The following MLXIPL variants were observed in gnomAD, a reference collection of about 807,000 sequenced individuals.
MLXIPL encodes MLX interacting protein like.
A neutral mutation model predicts 81.5 loss-of-function variants in MLXIPL; 49 were observed. The observed-to-expected ratio is 0.60, with a 90% CI of 0.48 to 0.76. The LOEUF (loss-of-function observed/expected upper bound fraction) is 0.76, where lower values mean the gene tolerates loss of function less well. Among genes scored for constraint, MLXIPL ranks in the 30% least tolerant of loss-of-function variants. The probability of loss-of-function intolerance (pLI) is 0.00; values close to 1 mark genes in which losing one functional copy is unlikely to be tolerated. For synonymous variants in MLXIPL, 466 were observed against 485.5 expected, an observed-to-expected ratio of 0.96 and a Z score of 0.53; for missense variants, 1,053 against 1,167.0, an observed-to-expected ratio of 0.90 and a Z score of 1.42.
chr7:73,608,483 A>G (rs1420405796), intron 2 of MLXIPL, among the ~76,000 whole-genome samples: 1 of 152,000 alleles, frequency 6.6e-6, no homozygotes, highest in Non-Finnish European at 1.5e-5. Context: ...GCTCCTTGGG[A>G]GGCTGAGGCA....
At chr7:73,620,578 A>G (rs1363832231) in intron 1 of MLXIPL, among the ~76,000 whole-genome samples, 3 of 98,420 alleles carry the variant, frequency 3.0e-5, no homozygotes, top group Non-Finnish European at 4.5e-5. Context: ...ACCTGTACTG[A>G]AAAAAAAAAA....
intron 2 of MLXIPL, among the ~76,000 whole-genome samples, chr7:73,612,213 C>T (rs1403853597): frequency 6.6e-6 from 1 of 152,022 alleles, no homozygotes; most frequent in African/African-American, 2.4e-5. Context: ...TGCCTGTAGT[C>T]CCAGCTACTA....
intron 7 of MLXIPL, among the ~76,000 whole-genome samples, chr7:73,603,251 G>C (rs1795026669): frequency 6.6e-6 from 1 of 152,164 alleles, no homozygotes; most frequent in Non-Finnish European, 1.5e-5. Flanking sequence ...TGATAAGAGA[G>C]GGCCACACGA....
Position 73,623,354 on chromosome 7 carries a change from C to T in MLXIPL, c.293+846G>A, listed in dbSNP as rs184404238. On this transcript the variant is annotated intron_variant, in intron 1 of 16. Coordinates refer to ENST00000313375, the MANE Select transcript of MLXIPL (RefSeq NM_032951.3). The surrounding 1 kb of genome is among the most constrained non-coding windows in gnomAD (Gnocchi z 5.7). The stretch of plus-strand genomic sequence containing the variant: ...CGGTTGATAATTTATACTGGCCCCT[C>T]AACTCCGGGGAACTTTGCTCCAGGG... Among the ~76,000 whole-genome samples, 6 of 152,370 alleles carry T rather than the reference C, an allele frequency of 3.9e-5. No individual in the cohort carries two copies. The highest frequency in any genetic ancestry group is 1.9e-4 in the East Asian group (1 of 5,182).
Position 73,595,844 on chromosome 7 carries a change from A to C in MLXIPL, c.2184T>G (p.Ile728Met). The C allele has an allele frequency of 6.2e-7, 1 of 1,605,034 alleles. No individual in the cohort carries two copies. Among genetic ancestry groups the C allele is most frequent in the South Asian group, 1.1e-5 (1 of 89,950 alleles). The change falls in exon 14 of 17, where the codon ATT becomes ATG. Residue 728 changes from isoleucine (I) to methionine (M), a missense_variant and splice_region_variant. Coordinates refer to ENST00000313375, the MANE Select transcript of MLXIPL (RefSeq NM_032951.3). ...GCACCCGCCTGGACCCTGCCTACTT[A>C]ATGGCGGCATTGAGCTCCTCAATCT... ...RDEIEELNAA[I>M]NLCQQQLPAT...
Position 73,595,679 on chromosome 7 carries a change from G to A in MLXIPL, c.2268C>T (p.Asp756=), listed in dbSNP as rs192021840. The change falls in exon 15 of 17, where the codon GAC becomes GAT. Residue 756 remains aspartate (D), a synonymous_variant. Coordinates refer to ENST00000313375, the MANE Select transcript of MLXIPL (RefSeq NM_032951.3). Reference sequence around the variant, plus strand: ...TGTGCAGCGTACGGGTTCGGACGTAGTCATCAAACATGTCTCGCATCTGGT... The same window carrying A: ...TGTGCAGCGTACGGGTTCGGACGTAATCATCAAACATGTCTCGCATCTGGT... The part of the protein sequence containing the change: ...RFDQMRDMFD[D]YVRTRTLHNW... 2 of 1,614,188 alleles carry A rather than the reference G, an allele frequency of 1.2e-6. No individual in the cohort carries two copies. The highest frequency in any genetic ancestry group is 2.2e-5 in the East Asian group (1 of 44,876).
chr7:73,597,848 G>A (rs1243204716), intron 8 of MLXIPL, 135 bp from the exon 9 acceptor site: 11 of 497,012 alleles, frequency 2.2e-5, no homozygotes, highest in African/African-American at 2.2e-4. Context: ...GGAGAAATGA[G>A]CCCTGCCTTC....
the MLXIPL span, among the ~76,000 whole-genome samples, chr7:73,644,151 G>A: frequency 2.6e-5 from 4 of 151,826 alleles, no homozygotes; most frequent in African/African-American, 4.8e-5. Flanking sequence ...TCCTGCCTTG[G>A]CCTCCCAAAG....
At chr7:73,621,024 TG>T (rs1796313316) in intron 1 of MLXIPL, among the ~76,000 whole-genome samples, 1 of 151,580 alleles carries the variant, frequency 6.6e-6, no homozygotes, top group African/African-American at 2.4e-5. Flanking sequence ...CACTCCAGCC[TG>T]GGCAACAGAG....
chr7:73,624,710 G>A (rs1796625724), upstream of MLXIPL: 2 of 578,228 alleles, frequency 3.5e-6, no homozygotes, highest in African/African-American at 4.0e-5. Context: ...CTCCCTTCCC[G>A]TCTTTCCTTG....
intron 7 of MLXIPL, among the ~76,000 whole-genome samples, chr7:73,603,936 C>T (rs1795084602): frequency 6.6e-6 from 1 of 152,136 alleles, no homozygotes; most frequent in Admixed American, 6.5e-5. Flanking sequence ...TTGCTTTAGG[C>T]CAGACGCGGT....
At chr7:73,625,479 G>C (rs376996141), upstream of MLXIPL, among the ~76,000 whole-genome samples, 1 of 152,182 alleles carries the variant, frequency 6.6e-6, no homozygotes, top group East Asian at 1.9e-4. Context: ...CACGGTGGCC[G>C]GGCGCGGTGG....
At chr7:73,636,297 C>G in the MLXIPL span, among the ~76,000 whole-genome samples, 1 of 151,950 alleles carries the variant, frequency 6.6e-6, no homozygotes, top group South Asian at 2.1e-4. Flanking sequence ...GTAGTCCCAC[C>G]TACTCAGGAG....
At chr7:73,635,797 T>G in the MLXIPL span, among the ~76,000 whole-genome samples, 1 of 152,200 alleles carries the variant, frequency 6.6e-6, no homozygotes, top group Non-Finnish European at 1.5e-5. Context: ...CATCGTTCCA[T>G]GTATACACCT....
intron 5 of MLXIPL, chr7:73,606,584 C>T: frequency 2.2e-5 from 7 of 315,974 alleles, no homozygotes; most frequent in South Asian, 2.2e-4. Context: ...CGCCACTATG[C>T]CCGGCTAATT....
At chr7:73,604,534 C>T (rs1795133363) in intron 7 of MLXIPL, among the ~76,000 whole-genome samples, 1 of 152,010 alleles carries the variant, frequency 6.6e-6, no homozygotes, top group Non-Finnish European at 1.5e-5. Flanking sequence ...GATTGTGCCA[C>T]TGTACTCCAG....
chr7:73,624,244 G>T lies in MLXIPL; in HGVS notation c.249C>A (p.Asp83Glu). Residue 83 changes from aspartate to glutamate, a missense_variant, in exon 1 of 17, where the codon GAC (aspartate) becomes GAA (glutamate). Coordinates refer to ENST00000313375, the MANE Select transcript of MLXIPL (RefSeq NM_032951.3). ...ACTCGAAGAGGCGTGTGAGTGTGGG[G>T]TCGATACTGCGCGGCCCGAAGTCGG... The part of the protein sequence containing the change: ...GPSDFGPRSI[D>E]PTLTRLFECL... The T allele has an allele frequency of 1.9e-6, 3 of 1,598,620 alleles. No homozygotes were observed. Among genetic ancestry groups the T allele is most frequent in the Non-Finnish European group, 2.6e-6 (3 of 1,173,796 alleles).
chr7:73,645,661 G>A, the MLXIPL span, among the ~76,000 whole-genome samples: 1 of 152,142 alleles, frequency 6.6e-6, no homozygotes, highest in Non-Finnish European at 1.5e-5. Context: ...TCCCAGCTCT[G>A]CTCAACAGTC....
At chr7:73,640,494 C>T in the MLXIPL span, among the ~76,000 whole-genome samples, 37 of 139,232 alleles carry the variant, frequency 2.7e-4, no homozygotes, top group African/African-American at 8.0e-4. Context: ...TAGATGATGG[C>T]GGCCGGGCGT....
Sources: gnomAD v4.1 joint callset for allele counts (sites outside exome capture counted in the v4.1 genomes callset) on GRCh38, gnomAD v4.1.1 for gene constraint, Gnocchi (gnomAD v3.1) non-coding constraint, MANE v1.5 for transcripts, NCBI Gene and HGNC (gene_info 2026-07-23, HGNC 2026-07-21) for gene names.